Variants in MOB2 observed in about 807,000 individuals in gnomAD.
MOB2 encodes the protein MOB2 Mps One Binder homolog.
MOB2 carries 14 observed loss-of-function variants against 27.4 expected under a neutral mutation model. The ratio of observed to expected loss-of-function variants is 0.51; its 90% CI spans 0.34 to 0.80. The LOEUF is 0.80. Among genes scored for constraint, MOB2 ranks in the 30% least tolerant of loss-of-function variants. MOB2 has a pLI of 0.01. For missense variants in MOB2, 304 were observed against 354.6 expected (o/e 0.86, Z 1.15); for synonymous variants, 167 against 151.8 (o/e 1.10, Z -0.74).
rs763353214 is a variant in MOB2, at chr11:1,470,159, C to T, written c.*13G>A. The T allele has an allele frequency of 2.5e-5, 39 of 1,580,104 alleles. No homozygotes were observed. Among genetic ancestry groups the T allele is most frequent in the South Asian group, 1.9e-4 (17 of 87,812 alleles). ...CTCTTTGCACACGTGTGCCCCTGTC[C>T]GGCCCGGGGGGCTCATCTCTCCTTC... On this transcript the variant is annotated 3_prime_UTR_variant, in exon 5 of 5. Coordinates refer to ENST00000329957, the MANE Select transcript of MOB2 (RefSeq NM_001172223.3).
In MOB2 at chr11:1,470,313, C is replaced by G; in HGVS notation, c.666G>C (p.Leu222=). 1 of 1,613,436 alleles carries G rather than the reference C, an allele frequency of 6.2e-7. No individual in the cohort carries two copies. Among genetic ancestry groups the G allele is most frequent in the Non-Finnish European group, 8.5e-7 (1 of 1,179,896 alleles). ...TGATGGCGGTCTCTTTGGGGTCCAGCAGGTTGAACTCCCGAGCAAAGAGGA... is the reference window on the plus strand; with the variant it reads ...TGATGGCGGTCTCTTTGGGGTCCAGGAGGTTGAACTCCCGAGCAAAGAGGA... The part of the protein sequence containing the change: ...HFILFAREFN[L]LDPKETAIMD... The change falls in exon 5 of 5, where the codon CTG becomes CTC. Residue 222 remains leucine, a synonymous_variant. Coordinates refer to ENST00000329957, the MANE Select transcript of MOB2 (RefSeq NM_001172223.3).
At chr11:1,475,059 A>G (rs902755976) in intron 3 of MOB2, among the ~76,000 whole-genome samples, 2 of 152,276 alleles carry the variant, frequency 1.3e-5, no homozygotes, top group Non-Finnish European at 2.9e-5. Context: ...TGATAAACGC[A>G]GTGCGTCTCT....
chr11:1,484,192 A>C lies in MOB2; in HGVS notation c.110+2255T>G, dbSNP rs562881976. ...ATGGAAGTCGAGCCTGTAGACCCTG[A>C]GGTGAGTGGGCAGCAGCAGGAGGTG... On this transcript the variant is annotated intron_variant, in intron 1 of 4. Coordinates refer to ENST00000329957, the MANE Select transcript of MOB2 (RefSeq NM_001172223.3). 2.6e-5 allele frequency among the ~76,000 whole-genome samples: 4 copies of C among 152,304 alleles called. No homozygotes were observed. In the East Asian group the frequency reaches 7.7e-4, roughly 29 times the overall value.
chr11:1,481,113 C>G (rs1847908441), intron 1 of MOB2: 2 of 660,190 alleles, frequency 3.0e-6, no homozygotes, highest in Non-Finnish European at 2.7e-6. Flanking sequence ...GGAAGAAGGG[C>G]TGGCGCTCCC....
At chr11:1,476,856 G>C (rs1847857737) in intron 3 of MOB2, among the ~76,000 whole-genome samples, 1 of 152,174 alleles carries the variant, frequency 6.6e-6, no homozygotes, top group Admixed American at 6.5e-5. Context: ...GGACTACTCA[G>C]AATTGTATTA....
intron 3 of MOB2, among the ~76,000 whole-genome samples, chr11:1,476,810 TAA>T (rs570135124): frequency 6.6e-6 from 1 of 152,224 alleles, no homozygotes; most frequent in Non-Finnish European, 1.5e-5. Context: ...TACAGTTTGT[TAA>T]AGTTTTTTTG....
At chr11:1,476,415 CT>C (rs1847852939) in intron 3 of MOB2, among the ~76,000 whole-genome samples, 1 of 152,174 alleles carries the variant, frequency 6.6e-6, no homozygotes, top group Admixed American at 6.5e-5. Flanking sequence ...CCTTATTATC[CT>C]TTTAACATCC....
Position 1,469,983 on chromosome 11 carries a change from C to T in MOB2, c.*189G>A, listed in dbSNP as rs150916122. ...TCTCTACAAACGGCACGCATCCATC[C>T]GACAGGGGGCCACAGGACACGGCCG... On this transcript the variant is annotated 3_prime_UTR_variant, in exon 5 of 5. Transcript: ENST00000329957. 1.7e-4 allele frequency: 252 copies of T among 1,453,570 alleles called. 1 individual carries two copies. In the African/African-American group the frequency reaches 2.5e-3, roughly 15 times the overall value. 90.0% of individuals were successfully genotyped at this position (1,453,570 alleles called of 1,614,324 possible).
intron 3 of MOB2, among the ~76,000 whole-genome samples, chr11:1,475,951 C>G (rs549990046): frequency 6.6e-5 from 10 of 152,344 alleles, no homozygotes; most frequent in African/African-American, 2.4e-4. Flanking sequence ...TTTGGCATAT[C>G]TGAATTGCCA....
At chr11:1,473,611 GACGGAA>G (rs1359630466) in intron 3 of MOB2, among the ~76,000 whole-genome samples, 3 of 152,232 alleles carry the variant, frequency 2.0e-5, no homozygotes, top group Admixed American at 1.3e-4. Flanking sequence ...GGAGGTTAGA[GACGGAA>G]ACCCTTTTCC....
At chr11:1,474,150 C>T (rs556284790) in intron 3 of MOB2, among the ~76,000 whole-genome samples, 9 of 152,370 alleles carry the variant, frequency 5.9e-5, no homozygotes, top group East Asian at 3.9e-4. Context: ...CCCATGGTTT[C>T]GGCTTGCCTT....
At chr11:1,477,774 G>A (rs150969474) in intron 3 of MOB2, among the ~76,000 whole-genome samples, 130 of 152,254 alleles carry the variant, frequency 8.5e-4, no homozygotes, top group African/African-American at 2.8e-3. Flanking sequence ...ATCATGTTTC[G>A]TGACAGCATC....
chr11:1,481,138 C>T, intron 1 of MOB2: 1 of 626,866 alleles, frequency 1.6e-6, no homozygotes, highest in Admixed American at 2.2e-5. Flanking sequence ...GCCACACGGG[C>T]CCCTGCACGG....
chr11:1,481,351 G>GCCTTC (rs1847911670), intron 1 of MOB2: 1 of 226,238 alleles, frequency 4.4e-6, no homozygotes, highest in Non-Finnish European at 9.2e-6. Context: ...CAGGCCTTGT[G>GCCTTC]CAGGGCACCT....
At position 1,470,197 on chromosome 11, in the gene MOB2, G is replaced by A. The variant is rs200771049; in HGVS notation, c.782C>T (p.Ala261Val). The A allele has an allele frequency of 9.4e-4, 1,506 of 1,608,180 alleles. 10 individuals are homozygous for A. In the Admixed American group the frequency reaches 0.015, roughly 16 times the overall value. The stretch of plus-strand genomic sequence containing the variant: ...TCATCTCTCCTTCACGTGGTTCTGT[G>A]CTCCCGGGCCCCCGCTGCCGGCCCC... ...GDGAGSGGPGAQNHVKER is the reference protein window; with the variant it reads ...GDGAGSGGPGVQNHVKER The change falls in exon 5 of 5, where the codon GCA (alanine) becomes GTA (valine). Residue 261 changes from alanine (A) to valine (V), a missense_variant. Physicochemically the swap from Ala to Val is moderately conservative, Grantham distance 64. Transcript: ENST00000329957.
rs1377213626 is a variant in MOB2, at chr11:1,471,429, C to A, written c.366-10G>T. On this transcript the variant is annotated splice_polypyrimidine_tract_variant and intron_variant, in intron 3 of 4. Coordinates refer to ENST00000329957, the MANE Select transcript of MOB2 (RefSeq NM_001172223.3). ...ATACCAGTAGTACTGTCTGTGGAGA[C>A]AGAGACACGGTCAGGGCATGCGCCC... The A allele has an allele frequency of 6.2e-7, 1 of 1,607,742 alleles. No homozygotes were observed. Among genetic ancestry groups the A allele is most frequent in the East Asian group, 2.2e-5 (1 of 44,756 alleles).
chr11:1,476,387 G>A (rs1489180423), intron 3 of MOB2, among the ~76,000 whole-genome samples: 1 of 152,120 alleles, frequency 6.6e-6, no homozygotes, highest in East Asian at 1.9e-4. Flanking sequence ...GTGCACAGAG[G>A]GTTTTTTTCC....
intron 1 of MOB2, 192 bp from the exon 2 acceptor site, chr11:1,481,077 G>T: frequency 1.4e-6 from 1 of 721,534 alleles, no homozygotes; most frequent in South Asian, 1.7e-5. Context: ...AGGGGCCAGT[G>T]GAGCTGCCTT....
rs1407766628 is a variant in MOB2 at position 1,480,813 on chromosome 11, G to A, written c.183C>T (p.His61=). 6.3e-7 allele frequency: 1 copy of A among 1,589,446 alleles called. No individual in the cohort carries two copies. Among genetic ancestry groups the A allele is most frequent in the Non-Finnish European group, 8.6e-7 (1 of 1,168,312 alleles). The change falls in exon 2 of 5, where the codon CAC becomes CAT. Residue 61 remains histidine, a synonymous_variant. Coordinates refer to ENST00000329957, the MANE Select transcript of MOB2 (RefSeq NM_001172223.3). ...GGAAGTCGGTGATCCTGGCCTTGGT[G>A]TGCTCAGGCTCCAGGTAGGCCTTCC... ...EERKAYLEPE[H]TKARITDFQF...
Sources: allele counts gnomAD v4.1 joint callset (sites outside exome capture counted in the v4.1 genomes callset), GRCh38; gene constraint gnomAD v4.1.1; transcripts MANE v1.5; gene names NCBI Gene and HGNC (gene_info 2026-07-23, HGNC 2026-07-21).